Variants in SRSF4 observed in about 807,000 individuals in gnomAD.
The protein encoded by SRSF4 is serine and arginine rich splicing factor 4, also known as serine/arginine-rich splicing factor 4.
Under a neutral mutation model 48.8 loss-of-function variants are expected in SRSF4, and 12 were observed. The observed-to-expected ratio is 0.25, with a 90% CI of 0.16 to 0.40. The LOEUF (loss-of-function observed/expected upper bound fraction) is 0.40, where lower values mean the gene tolerates loss of function less well. Among genes scored for constraint, SRSF4 ranks in the 10% least tolerant of loss-of-function variants. The probability of loss-of-function intolerance (pLI) is 1.00; values close to 1 mark genes in which losing one functional copy is unlikely to be tolerated. For synonymous variants in SRSF4, 248 were observed against 232.5 expected (o/e 1.07, Z -0.61); for missense variants, 466 against 667.1 (o/e 0.70, Z 3.32).
Position 29,181,840 on chromosome 1 carries a change from G to GCGGCAA in SRSF4, c.-94_-89dup, listed in dbSNP as rs1477978626. 9.2e-7 allele frequency: 1 copy of GCGGCAA among 1,086,202 alleles called. No individual in the cohort carries two copies. The highest frequency in any genetic ancestry group is 1.2e-6 in the Non-Finnish European group (1 of 825,496). The allele number at this position is 1,086,202 out of a possible 1,614,324, so 67.3% of individuals were successfully genotyped here. A position where few individuals can be genotyped will look rare whatever the true frequency, so the allele number is the denominator to read the frequency against. On this transcript the variant is annotated 5_prime_UTR_variant, in exon 1 of 6. Coordinates refer to ENST00000373795, the MANE Select transcript of SRSF4 (RefSeq NM_005626.5). Reference sequence around the variant, plus strand: ...CGAGAGCACGGCGGCAGCGGCGGCGGCGGCAACGGGCGGGCGGCGGGACGG... The same window carrying GCGGCAA: ...CGAGAGCACGGCGGCAGCGGCGGCGGCGGCAACGGCAACGGGCGGGCGGCGGGACGG...
At chr1:29,167,577 G>A (rs185994814) in intron 1 of SRSF4, among the ~76,000 whole-genome samples, 1 of 152,290 alleles carries the variant, frequency 6.6e-6, no homozygotes, top group East Asian at 1.9e-4. Context: ...TGGAGACGGG[G>A]TTTCACCATG....
intron 2 of SRSF4, chr1:29,159,692 T>C (rs1488689868): frequency 5.0e-6 from 2 of 401,582 alleles, no homozygotes; most frequent in Non-Finnish European, 8.9e-6. Flanking sequence ...GTTGTAAGTA[T>C]ACATATTCAT....
At chr1:29,149,711 AG>A (rs1672376521) in intron 5 of SRSF4, among the ~76,000 whole-genome samples, 7 of 149,748 alleles carry the variant, frequency 4.7e-5, no homozygotes, top group African/African-American at 9.8e-5. Context: ...AAAAAGAAAA[AG>A]AAGCTGGAAA....
At chr1:29,151,273 GA>G (rs1452899283) in intron 4 of SRSF4, among the ~76,000 whole-genome samples, 13 of 152,182 alleles carry the variant, frequency 8.5e-5, no homozygotes, top group Admixed American at 2.6e-4. Flanking sequence ...AAGTTCAGGG[GA>G]TAAGATACAA....
Position 29,155,407 on chromosome 1 carries a change from G to C in SRSF4, c.364-497C>G, listed in dbSNP as rs1332901858. ...GATCATGCCACTGCACTCCAGCCTG[G>C]GGTACAGAGCAAGACCCTACCTCAA... On this transcript the variant is annotated intron_variant, in intron 3 of 5. Transcript: ENST00000373795. 3.3e-5 allele frequency among the ~76,000 whole-genome samples: 5 copies of C among 151,996 alleles called. No homozygotes were observed. In the South Asian group the frequency reaches 1.0e-3, roughly 32 times the overall value.
At chr1:29,162,727 T>C (rs1672617651) in intron 1 of SRSF4, among the ~76,000 whole-genome samples, 1 of 152,346 alleles carries the variant, frequency 6.6e-6, no homozygotes, top group Middle Eastern at 3.4e-3. Context: ...TGACCAGGAC[T>C]GATCTAACGT....
At chr1:29,174,210 A>G (rs1672798381) in intron 1 of SRSF4, among the ~76,000 whole-genome samples, 1 of 6,202 alleles carries the variant, frequency 1.6e-4, no homozygotes, top group South Asian at 0.056. Flanking sequence ...AAAAAGAAAA[A>G]AGAAAAAAAA....
intron 2 of SRSF4, 157 bp downstream of exon 2, chr1:29,160,218 A>C (rs930794338): frequency 7.3e-6 from 6 of 823,876 alleles, no homozygotes; most frequent in Admixed American, 3.7e-5. Context: ...ACATTATCAA[A>C]GGCTTATTTG....
At chr1:29,178,838 T>C (rs959339278) in intron 1 of SRSF4, among the ~76,000 whole-genome samples, 1 of 152,244 alleles carries the variant, frequency 6.6e-6, no homozygotes, top group African/African-American at 2.4e-5. Flanking sequence ...TTGCTTGAAA[T>C]ACATCTTTAC....
intron 3 of SRSF4, among the ~76,000 whole-genome samples, chr1:29,158,432 C>G (rs1200216220): frequency 3.1e-5 from 4 of 129,812 alleles, no homozygotes; most frequent in African/African-American, 1.1e-4. Flanking sequence ...TTCTTGTAAC[C>G]CTTTTTTTTT....
intron 1 of SRSF4, among the ~76,000 whole-genome samples, chr1:29,179,992 T>C (rs572925234): frequency 6.6e-6 from 1 of 152,362 alleles, no homozygotes; most frequent in African/African-American, 2.4e-5. Context: ...AAACACGCTT[T>C]ATGTTATCAA....
intron 3 of SRSF4, among the ~76,000 whole-genome samples, chr1:29,156,781 C>T (rs1020815214): frequency 1.2e-4 from 18 of 152,034 alleles, no homozygotes; most frequent in African/African-American, 4.1e-4. Flanking sequence ...AGTCTGGTGG[C>T]GACGAAGGAA....
intron 1 of SRSF4, among the ~76,000 whole-genome samples, chr1:29,176,783 T>C (rs1672863101): frequency 6.6e-6 from 1 of 152,172 alleles, no homozygotes; most frequent in African/African-American, 2.4e-5. Flanking sequence ...AAAAATTTTC[T>C]GGTAATAATT....
chr1:29,174,753 A>G (rs1346654938), intron 1 of SRSF4, among the ~76,000 whole-genome samples: 1 of 148,272 alleles, frequency 6.7e-6, no homozygotes, highest in Non-Finnish European at 1.5e-5. Context: ...GGCTCATTGC[A>G]ACCTCCACTT....
chr1:29,167,872 C>A (rs370048806), intron 1 of SRSF4, among the ~76,000 whole-genome samples: 16 of 152,154 alleles, frequency 1.1e-4, no homozygotes, highest in Admixed American at 5.2e-4. Context: ...TATTATTATT[C>A]TTCTCATTTT....
intron 3 of SRSF4, among the ~76,000 whole-genome samples, chr1:29,157,052 C>T (rs935308237): frequency 2.0e-5 from 3 of 152,158 alleles, no homozygotes; most frequent in Non-Finnish European, 4.4e-5. Context: ...TTTAACTTAT[C>T]GGAGAGTAGC....
chr1:29,167,466 C>T (rs955259642), intron 1 of SRSF4, among the ~76,000 whole-genome samples: 1 of 152,368 alleles, frequency 6.6e-6, no homozygotes, highest in South Asian at 2.1e-4. Context: ...CTCACTGCAG[C>T]CTCCACCTCC....
intron 4 of SRSF4, among the ~76,000 whole-genome samples, chr1:29,152,242 T>C (rs978514104): frequency 2.0e-5 from 3 of 152,234 alleles, no homozygotes; most frequent in Non-Finnish European, 4.4e-5. Context: ...ACTGAAGCAG[T>C]TGCAGATGGA....
intron 3 of SRSF4, among the ~76,000 whole-genome samples, chr1:29,158,234 G>C (rs1278823059): frequency 2.0e-5 from 3 of 151,238 alleles, no homozygotes; most frequent in Non-Finnish European, 4.4e-5. Context: ...CTTAATTCTT[G>C]ACACCAAACC....
Sources: allele counts gnomAD v4.1 joint callset (sites outside exome capture counted in the v4.1 genomes callset), GRCh38; gene constraint gnomAD v4.1.1; transcripts MANE v1.5; gene names NCBI Gene and HGNC (gene_info 2026-07-23, HGNC 2026-07-21).